The following PDXK variants were observed in gnomAD, a reference collection of about 807,000 sequenced individuals.
PDXK encodes the protein epididymis secretory sperm binding protein Li 1a.
PDXK carries 15 observed loss-of-function variants against 43.2 expected under a neutral mutation model. The ratio of observed to expected loss-of-function variants is 0.35; its 90% confidence interval spans 0.23 to 0.53. The LOEUF (loss-of-function observed/expected upper bound fraction) is 0.53, where lower values mean the gene tolerates loss of function less well. Ranked by LOEUF, PDXK falls within the 20% of genes least tolerant of loss-of-function variation. The pLI is 0.92. For synonymous variants in PDXK, 172 were observed against 165.4 expected, an observed-to-expected ratio of 1.04 and a Z score of -0.31; for missense variants, 343 against 417.0, an observed-to-expected ratio of 0.82 and a Z score of 1.54.
chr21:43,749,839 C>T (rs1239879143), intron 6 of PDXK, among the ~76,000 whole-genome samples: 1 of 152,204 alleles, frequency 6.6e-6, no homozygotes. Flanking sequence ...GTGTGTTGGG[C>T]TTGGCTGTCT....
At position 43,732,193 on chromosome 21, in the gene PDXK, C is replaced by A; in HGVS notation, c.88-1876C>A. On this transcript the variant is annotated intron_variant, in intron 1 of 10. Coordinates refer to ENST00000291565, the MANE Select transcript of PDXK (RefSeq NM_003681.5). The surrounding 1 kb of genome is among the most constrained non-coding windows in gnomAD (Gnocchi z 4.1). ...GGTGGTGCCTGGGAGGGAGCCACTG[C>A]TGTACAGAGATGCCAATTCCAGAGG... 1 of 1,431,602 alleles carries A rather than the reference C, an allele frequency of 7.0e-7. No homozygotes were observed. 88.7% of individuals were successfully genotyped at this position (1,431,602 alleles called of 1,614,324 possible).
At chr21:43,726,767 T>C (rs972174674) in intron 1 of PDXK, among the ~76,000 whole-genome samples, 3 of 152,118 alleles carry the variant, frequency 2.0e-5, no homozygotes, top group African/African-American at 7.2e-5. Flanking sequence ...CCCACATCGG[T>C]GCATGTGTGT....
At chr21:43,747,878 G>A (rs2083665169) in intron 5 of PDXK, among the ~76,000 whole-genome samples, 1 of 152,142 alleles carries the variant, frequency 6.6e-6, no homozygotes, top group Non-Finnish European at 1.5e-5. Flanking sequence ...ACCCAAAATG[G>A]GGCTCTAAAG....
intron 5 of PDXK, among the ~76,000 whole-genome samples, chr21:43,748,084 A>G (rs908597131): frequency 1.3e-5 from 2 of 152,218 alleles, no homozygotes; most frequent in Non-Finnish European, 2.9e-5. Flanking sequence ...AGTGAAGTGA[A>G]GGGATTGGAA....
In PDXK at chr21:43,754,194, CAG is replaced by C. The variant is rs1469305453; in HGVS notation, c.759+476_759+477del. On this transcript the variant is annotated intron_variant, in intron 9 of 10. Coordinates refer to ENST00000291565, the MANE Select transcript of PDXK (RefSeq NM_003681.5). This position sits in a 1 kb window ranked among gnomAD's most constrained non-coding sequence, Gnocchi z 5.5. ...GGGACAGTAGGTGGGAGGCTGAGGA[CAG>C]GGGTCCAGGCAGGTGTGGAGAGCCG... Among the ~76,000 whole-genome samples the C allele has an allele frequency of 6.6e-6, 1 of 152,146 alleles. No individual in the cohort carries two copies. The highest frequency in any genetic ancestry group is 1.5e-5 in the Non-Finnish European group (1 of 68,012).
At position 43,737,368 on chromosome 21, in the gene PDXK, G is replaced by A. The variant is rs371557326; in HGVS notation, c.142+3245G>A. 3.1e-5 allele frequency: 38 copies of A among 1,239,946 alleles called. No individual in the cohort carries two copies. Among genetic ancestry groups the A allele is most frequent in the East Asian group, 4.5e-5 (1 of 22,470 alleles). The allele number at this position is 1,239,946 out of a possible 1,614,324, so 76.8% of individuals were successfully genotyped here. A position where few individuals can be genotyped will look rare whatever the true frequency, so the allele number is the denominator to read the frequency against. On this transcript the variant is annotated intron_variant, in intron 2 of 10. Coordinates refer to ENST00000291565, the MANE Select transcript of PDXK (RefSeq NM_003681.5). The surrounding 1 kb of genome is among the most constrained non-coding windows in gnomAD (Gnocchi z 4.8). ...TCCTTGAGGCCGTACCACAAGGTGC[G>A]TTCATTTTTCCACACCGTGAGCTGG...
chr21:43,753,763 A>G (rs1169937909), intron 9 of PDXK, 44 bp downstream of exon 9: 3 of 1,571,608 alleles, frequency 1.9e-6, no homozygotes, highest in Non-Finnish European at 2.6e-6. Flanking sequence ...CTCCCACGGC[A>G]CCTCATGGGG....
intron 6 of PDXK, among the ~76,000 whole-genome samples, chr21:43,749,288 A>G (rs530113150): frequency 6.6e-6 from 1 of 152,262 alleles, no homozygotes; most frequent in South Asian, 2.1e-4. Flanking sequence ...TATTTTTAGT[A>G]GTGACGGGGT....
chr21:43,749,852 T>C (rs11701801), intron 6 of PDXK, among the ~76,000 whole-genome samples: 53,327 of 152,072 alleles, frequency 0.35, 9,406 homozygotes, highest in East Asian at 0.48. Context: ...GGCTGTCTGA[T>C]ACCGAGTTTG....
Position 43,737,317 on chromosome 21 carries a change from G to C in PDXK, c.142+3194G>C, listed in dbSNP as rs900097502. ...CCTCGAGGCTGCTGCTCGCACTTCT[G>C]CCCCTTCCCCCGGCCAGGCCCCCGT... On this transcript the variant is annotated intron_variant, in intron 2 of 10. Transcript: ENST00000291565. The surrounding 1 kb of genome is among the most constrained non-coding windows in gnomAD (Gnocchi z 4.8). The C allele has an allele frequency of 2.9e-6, 4 of 1,371,878 alleles. No individual in the cohort carries two copies. The African/African-American group carries it at 5.9e-5, about 20-fold the overall frequency. The allele number at this position is 1,371,878 out of a possible 1,614,324, so 85.0% of individuals were successfully genotyped here.
rs930785749 is a variant in PDXK, at chr21:43,733,289, G to T, written c.88-780G>T. ...CGCCCCCCCCGCCCTGGAAACAGCC[G>T]CTGTCCTGGTGTTGACAGCAGAGGT... On this transcript the variant is annotated intron_variant, in intron 1 of 10. Transcript: ENST00000291565. Among the ~76,000 whole-genome samples the T allele has an allele frequency of 9.0e-4, 82 of 90,874 alleles. 2 individuals carry two copies. Among genetic ancestry groups the T allele is most frequent in the African/African-American group, 3.6e-3 (79 of 21,720 alleles). 59.6% of individuals were successfully genotyped at this position (90,874 alleles called of 152,430 possible).
chr21:43,736,967 C>G lies in PDXK; in HGVS notation c.142+2844C>G, dbSNP rs1325469877. 9 of 702,568 alleles carry G rather than the reference C, an allele frequency of 1.3e-5. No individual in the cohort carries two copies. In the African/African-American group the frequency reaches 1.4e-4, roughly 11 times the overall value. 43.5% of individuals were successfully genotyped at this position (702,568 alleles called of 1,614,324 possible). ...TTTCTTTTTTAGAGACAAGGTCGGTCTCTGTCGCCCAGGCTGGCGTGAAGT... is the reference window on the plus strand; with the variant it reads ...TTTCTTTTTTAGAGACAAGGTCGGTGTCTGTCGCCCAGGCTGGCGTGAAGT... On this transcript the variant is annotated intron_variant, in intron 2 of 10. Coordinates refer to ENST00000291565, the MANE Select transcript of PDXK (RefSeq NM_003681.5).
chr21:43,747,920 G>A (rs1048139746), intron 5 of PDXK, among the ~76,000 whole-genome samples: 1 of 152,176 alleles, frequency 6.6e-6, no homozygotes, highest in African/African-American at 2.4e-5. Flanking sequence ...TCCAGGGATC[G>A]GGGACATCCA....
chr21:43,733,937 C>A, intron 1 of PDXK, 132 bp from the exon 2 acceptor site: 1 of 818,790 alleles, frequency 1.2e-6, no homozygotes, highest in Non-Finnish European at 2.1e-6. Context: ...CGTCAGCCCT[C>A]CAGCCTGCAG....
In PDXK at chr21:43,756,102, G is replaced by T. The variant is rs1288912567; in HGVS notation, c.*39G>T. ...TGCCCGTGACACGCAGCGCGTTGGT[G>T]TCTCCGTGTTTGTCCCTGTGAAAAC... On this transcript the variant is annotated 3_prime_UTR_variant, in exon 11 of 11. Transcript: ENST00000291565. The T allele has an allele frequency of 8.5e-7, 1 of 1,183,102 alleles. No homozygotes were observed. The highest frequency in any genetic ancestry group is 1.5e-5 in the African/African-American group (1 of 66,426). 73.3% of individuals were successfully genotyped at this position (1,183,102 alleles called of 1,614,324 possible).
Position 43,741,766 on chromosome 21 carries a change from TCACAGGTAGGTGCCGGAG to T in PDXK, c.245_247+15del, listed in dbSNP as rs1161134189. The T allele has an allele frequency of 1.9e-6, 3 of 1,600,066 alleles. No homozygotes were observed. The African/African-American group carries it at 4.0e-5, about 21-fold the overall frequency. ...AACATGAATAAATATGACTACGTGC[TCACAGGTAGGTGCCGGAG>T]CAAGCTGCCGCAGGGGACTACGCAC... On this transcript the variant is annotated splice_donor_variant and splice_donor_5th_base_variant and coding_sequence_variant and intron_variant, in exon 3 of 11. Coordinates refer to ENST00000291565, the MANE Select transcript of PDXK (RefSeq NM_003681.5). LOFTEE classifies it high-confidence loss of function.
At position 43,732,359 on chromosome 21, in the gene PDXK, G is replaced by A; in HGVS notation, c.88-1710G>A. 2.5e-6 allele frequency: 4 copies of A among 1,610,738 alleles called. No homozygotes were observed. The highest frequency in any genetic ancestry group is 2.5e-6 in the Non-Finnish European group (3 of 1,178,056). ...ATTGTCGTCTTCTGAGTCTGGCTTT[G>A]TCTGGCACATGAAGTTGGATGGGTA... On this transcript the variant is annotated intron_variant, in intron 1 of 10. Transcript: ENST00000291565. The surrounding 1 kb of genome is among the most constrained non-coding windows in gnomAD (Gnocchi z 4.1).
In PDXK at chr21:43,719,269, C is replaced by A. The variant is rs1005221009; in HGVS notation, c.-26C>A. ...GCGGAGACCGTGCCCCCGCCTCGGC[C>A]CCGCGCCGCCGCGGCCAGGCCCGGC... On this transcript the variant is annotated 5_prime_UTR_variant, in exon 1 of 11. Coordinates refer to ENST00000291565, the MANE Select transcript of PDXK (RefSeq NM_003681.5). The A allele has an allele frequency of 1.3e-5, 18 of 1,393,290 alleles. No homozygotes were observed. The Admixed American group carries it at 1.9e-4, about 15-fold the overall frequency. 86.3% of individuals were successfully genotyped at this position (1,393,290 alleles called of 1,614,324 possible).
intron 1 of PDXK, chr21:43,728,815 G>A (rs1373333701): frequency 1.0e-6 from 1 of 985,624 alleles, no homozygotes; most frequent in Non-Finnish European, 1.2e-6. Context: ...AGCTCCTGCG[G>A]TCCAGCCGGA....
Sources: gnomAD v4.1 joint callset for allele counts (sites outside exome capture counted in the v4.1 genomes callset) on GRCh38, gnomAD v4.1.1 for gene constraint, Gnocchi (gnomAD v3.1) non-coding constraint, MANE v1.5 for transcripts, NCBI Gene and HGNC (gene_info 2026-07-23, HGNC 2026-07-21) for gene names.